The following ARB2A variants were observed in gnomAD, a reference collection of about 807,000 sequenced individuals.
ARB2A encodes the protein cotranscriptional regulator ARB2A.
the ARB2A span, chr5:93,865,243 G>T: frequency 1.2e-5 from 3 of 240,534 alleles, no homozygotes; most frequent in Non-Finnish European, 2.0e-5. Context: ...CACCATGCCT[G>T]GCTAATTTTT....
the ARB2A span, among the ~76,000 whole-genome samples, chr5:93,803,189 C>CTAA: frequency 8.5e-5 from 13 of 152,168 alleles, no homozygotes; most frequent in African/African-American, 3.1e-4. Flanking sequence ...GGAACATGTG[C>CTAA]AGTTTAGCAT....
the ARB2A span, among the ~76,000 whole-genome samples, chr5:93,650,075 T>A: frequency 6.6e-6 from 1 of 150,480 alleles, no homozygotes; most frequent in Non-Finnish European, 1.5e-5. Context: ...ATGTTTGTTA[T>A]AGAAAAAAGT....
the ARB2A span, among the ~76,000 whole-genome samples, chr5:93,694,192 G>T: frequency 2.0e-5 from 3 of 152,122 alleles, no homozygotes; most frequent in Admixed American, 1.3e-4. Context: ...TGGCCAGGGA[G>T]ATCAGGCAAG....
chr5:93,647,319 C>A, the ARB2A span, among the ~76,000 whole-genome samples: 1 of 152,044 alleles, frequency 6.6e-6, no homozygotes, highest in Non-Finnish European at 1.5e-5. Flanking sequence ...CTCTGCCTCC[C>A]GGGTTCAAGC....
At chr5:93,771,308 G>T in the ARB2A span, among the ~76,000 whole-genome samples, 1 of 151,842 alleles carries the variant, frequency 6.6e-6, no homozygotes, top group Non-Finnish European at 1.5e-5. Flanking sequence ...ATTAAGTCAA[G>T]ATGGATTAAA....
the ARB2A span, chr5:93,741,312 T>TCCAAGAC: frequency 6.2e-7 from 1 of 1,613,364 alleles, no homozygotes; most frequent in East Asian, 2.2e-5. Context: ...CCTCACTAGC[T>TCCAAGAC]CCAAGACGGG....
At chr5:93,758,697 C>A in the ARB2A span, among the ~76,000 whole-genome samples, 1 of 151,956 alleles carries the variant, frequency 6.6e-6, no homozygotes, top group Non-Finnish European at 1.5e-5. Flanking sequence ...TTGAACTGAA[C>A]GACAATAATG....
At chr5:93,791,058 C>A in the ARB2A span, among the ~76,000 whole-genome samples, 2 of 152,166 alleles carry the variant, frequency 1.3e-5, no homozygotes, top group Non-Finnish European at 2.9e-5. Context: ...ATGTGCTCTT[C>A]AGTGACATCA....
chr5:94,087,964 A>G, the ARB2A span, among the ~76,000 whole-genome samples: 4 of 152,186 alleles, frequency 2.6e-5, no homozygotes, highest in Non-Finnish European at 5.9e-5. Flanking sequence ...CTAACAACAC[A>G]TTTCTCAGAA....
chr5:93,823,395 C>A, the ARB2A span, among the ~76,000 whole-genome samples: 2 of 152,106 alleles, frequency 1.3e-5, no homozygotes, highest in African/African-American at 4.8e-5. Context: ...TCAAGCAATG[C>A]ATTCTAGTTA....
chr5:94,069,147 T>A, the ARB2A span, among the ~76,000 whole-genome samples: 1 of 151,956 alleles, frequency 6.6e-6, no homozygotes, highest in Non-Finnish European at 1.5e-5. Context: ...ATATTTACAG[T>A]CAACTGATTT....
At chr5:94,091,555 T>C in the ARB2A span, among the ~76,000 whole-genome samples, 28,405 of 152,184 alleles carry the variant, frequency 0.19, 3,472 homozygotes, top group Non-Finnish European at 0.26. Flanking sequence ...CTGTAAGTCA[T>C]AGCTTATACT....
the ARB2A span, among the ~76,000 whole-genome samples, chr5:94,045,134 A>C: frequency 8.2e-3 from 1,230 of 149,514 alleles, 6 homozygotes; most frequent in Non-Finnish European, 0.013. Flanking sequence ...AAAAAAAAAA[A>C]AACAACAACC....
the ARB2A span, among the ~76,000 whole-genome samples, chr5:93,965,594 C>T: frequency 1.3e-5 from 2 of 151,988 alleles, no homozygotes; most frequent in African/African-American, 4.8e-5. Context: ...AGGAAACAGA[C>T]ACCTGGAATA....
chr5:93,914,726 G>C, the ARB2A span, among the ~76,000 whole-genome samples: 5 of 151,602 alleles, frequency 3.3e-5, no homozygotes, highest in Non-Finnish European at 7.4e-5. Flanking sequence ...ACCTAATCTA[G>C]ATCTGTATAA....
chr5:93,636,892 G>A, the ARB2A span, among the ~76,000 whole-genome samples: 1 of 152,144 alleles, frequency 6.6e-6, no homozygotes, highest in East Asian at 1.9e-4. Context: ...AGATTCATAT[G>A]CAGTTATAAG....
the ARB2A span, among the ~76,000 whole-genome samples, chr5:93,808,358 G>A: frequency 2.7e-5 from 4 of 150,444 alleles, no homozygotes; most frequent in African/African-American, 9.8e-5. Flanking sequence ...ATTTCAGAAG[G>A]TTAAGTTTTA....
chr5:93,975,251 A>G, the ARB2A span, among the ~76,000 whole-genome samples: 1 of 148,522 alleles, frequency 6.7e-6, no homozygotes, highest in Non-Finnish European at 1.5e-5. Flanking sequence ...CGGGAGGCGG[A>G]GCTTGCAGTG....
the ARB2A span, among the ~76,000 whole-genome samples, chr5:94,013,370 G>A: frequency 6.6e-6 from 1 of 151,974 alleles, no homozygotes; most frequent in Admixed American, 6.6e-5. Context: ...TAGAGACGGA[G>A]TTTCACCATC....
Sources: allele counts gnomAD v4.1 joint callset (sites outside exome capture counted in the v4.1 genomes callset), GRCh38; gene constraint gnomAD v4.1.1; transcripts MANE v1.5; gene names NCBI Gene and HGNC (gene_info 2026-07-23, HGNC 2026-07-21).